REL: variants seen among roughly 807,000 people sequenced by gnomAD.
REL encodes the protein REL proto-oncogene, NF-kB subunit, also known as proto-oncogene c-Rel.
Under a neutral mutation model 45.9 loss-of-function variants are expected in REL, and 15 were observed. The ratio of observed to expected loss-of-function variants is 0.33; its 90% CI spans 0.22 to 0.50. The LOEUF (loss-of-function observed/expected upper bound fraction) is 0.50. Among genes scored for constraint, REL ranks in the 20% least tolerant of loss-of-function variants. The pLI, the probability that REL is intolerant of heterozygous loss-of-function variation, is 0.98. For synonymous variants in REL, 239 were observed against 242.1 expected (o/e 0.99, Z 0.12); for missense variants, 601 against 715.2 (o/e 0.84, Z 1.82).
At chr2:60,920,003 T>C in intron 7 of REL, 38 bp from the exon 8 acceptor site, 2 of 1,383,308 alleles carry the variant, frequency 1.4e-6, no homozygotes, top group South Asian at 1.2e-5. Flanking sequence ...TACAATCCTA[T>C]AATTTTTTAT....
Position 60,918,265 on chromosome 2 carries a change from A to G in REL, c.610A>G (p.Ile204Val). Residue 204 changes from isoleucine to valine, a missense_variant, in exon 6 of 10, where the codon ATA becomes GTA. Ile to Val is a conservative substitution (Grantham distance 29). This residue lies in a region of REL where 241 missense variants were observed against 347.0 expected (regional missense o/e 0.69). Coordinates refer to ENST00000394479, the MANE Select transcript of REL (RefSeq NM_001291746.2). The part of the protein sequence containing the change: ...NCGSVRGGDE[I>V]FLLCDKVQKD... Reference sequence around the variant, plus strand: ...TGGAAGTGTCAGAGGAGGAGATGAAATATTTCTACTTTGTGACAAAGTTCA... The same window carrying G: ...TGGAAGTGTCAGAGGAGGAGATGAAGTATTTCTACTTTGTGACAAAGTTCA... 1 of 1,606,530 alleles carries G rather than the reference A, an allele frequency of 6.2e-7. No homozygotes were observed.
intron 4 of REL, among the ~76,000 whole-genome samples, chr2:60,905,819 T>C (rs1035468241): frequency 2.0e-5 from 3 of 152,180 alleles, no homozygotes; most frequent in Non-Finnish European, 4.4e-5. Context: ...AACATCTAGA[T>C]CAGTATTTCT....
rs574580916 is a variant in REL, at chr2:60,918,204, T to G, written c.549T>G (p.Thr183=). The stretch of plus-strand genomic sequence containing the variant: ...CTTTATATTTAGGTGCTCCAAATAC[T>G]GCAGAATTAAGGATTTGTCGTGTAA... ...NPIYDNRAPN[T]AELRICRVNK... The change falls in exon 6 of 10, where the codon ACT becomes ACG. Residue 183 remains threonine, a synonymous_variant. Coordinates refer to ENST00000394479, the MANE Select transcript of REL (RefSeq NM_001291746.2). 1 of 1,598,428 alleles carries G rather than the reference T, an allele frequency of 6.3e-7. No individual in the cohort carries two copies. Among genetic ancestry groups the G allele is most frequent in the Admixed American group, 1.7e-5 (1 of 58,176 alleles).
rs1172754784 is a variant in REL, at chr2:60,925,168, A to G, written c.*2633A>G. On this transcript the variant is annotated 3_prime_UTR_variant, in exon 10 of 10. Transcript: ENST00000394479. The stretch of plus-strand genomic sequence containing the variant: ...TTAACTTTACCTAGTTTGTTTTACA[A>G]CTAGAACCTGCCCTAAATGTTGAAT... 5.0e-6 allele frequency: 1 copy of G among 200,444 alleles called. No homozygotes were observed. Among genetic ancestry groups the G allele is most frequent in the Non-Finnish European group, 1.0e-5 (1 of 97,010 alleles). The allele number at this position is 200,444 out of a possible 1,614,324, so 12.4% of individuals were successfully genotyped here. A position where few individuals can be genotyped will look rare whatever the true frequency, so the allele number is the denominator to read the frequency against.
At chr2:60,914,496 TGTTTA>T (rs983337540) in intron 4 of REL, among the ~76,000 whole-genome samples, 4 of 151,948 alleles carry the variant, frequency 2.6e-5, no homozygotes, top group African/African-American at 9.7e-5. Flanking sequence ...TTGACCAGTT[TGTTTA>T]TTTTTCTTTT....
chr2:60,891,455 A>G (rs1673209427), intron 1 of REL, among the ~76,000 whole-genome samples: 1 of 152,174 alleles, frequency 6.6e-6, no homozygotes, highest in Non-Finnish European at 1.5e-5. Flanking sequence ...ACCAGTCAAT[A>G]TGGTTTGAAT....
intron 4 of REL, among the ~76,000 whole-genome samples, chr2:60,910,564 T>A (rs1471822807): frequency 1.3e-5 from 2 of 152,128 alleles, no homozygotes; most frequent in Non-Finnish European, 2.9e-5. Context: ...AAGTGAAATT[T>A]TAAACTAGTT....
chr2:60,890,280 A>G (rs568796344), intron 1 of REL, among the ~76,000 whole-genome samples: 1 of 152,370 alleles, frequency 6.6e-6, no homozygotes, highest in East Asian at 1.9e-4. Context: ...TTTAGCACAT[A>G]TAATCTGTCA....
At chr2:60,891,333 T>C (rs1395110845) in intron 1 of REL, among the ~76,000 whole-genome samples, 1 of 152,198 alleles carries the variant, frequency 6.6e-6, no homozygotes, top group African/African-American at 2.4e-5. Context: ...TCTTGGGGAA[T>C]CTTGGGGGAA....
chr2:60,930,623 T>C lies in REL; in HGVS notation c.*8088T>C, dbSNP rs1215012898. On this transcript the variant is annotated 3_prime_UTR_variant, in exon 10 of 10. Transcript: ENST00000394479. ...AAAGTAATCATGTCTGTAATGTTTT[T>C]CATGCATGCAAAAAGCACAGACAAA... 1 of 152,280 alleles carries C rather than the reference T, an allele frequency of 6.6e-6. No individual in the cohort carries two copies. The highest frequency in any genetic ancestry group is 2.4e-5 in the African/African-American group (1 of 41,456). 9.4% of individuals were successfully genotyped at this position (152,280 alleles called of 1,614,324 possible). A position where few individuals can be genotyped will look rare whatever the true frequency, so the allele number is the denominator to read the frequency against.
intron 3 of REL, chr2:60,899,106 A>G (rs1673430411): frequency 6.6e-6 from 1 of 152,262 alleles, no homozygotes; most frequent in Non-Finnish European, 1.5e-5. Flanking sequence ...AAGAAAAAGA[A>G]TCAAACCAAG....
At position 60,931,321 on chromosome 2, in the gene REL, T is replaced by TA. The variant is rs1674378501; in HGVS notation, c.*8787dup. 1 of 152,350 alleles carries TA rather than the reference T, an allele frequency of 6.6e-6. No individual in the cohort carries two copies. The highest frequency in any genetic ancestry group is 1.5e-5 in the Non-Finnish European group (1 of 68,026). 9.4% of individuals were successfully genotyped at this position (152,350 alleles called of 1,614,324 possible). On this transcript the variant is annotated 3_prime_UTR_variant, in exon 10 of 10. Transcript: ENST00000394479. ...CTGTTTTAAAAGTATGTACTTAAAA[T>TA]ACCTTTGGCTGTGATGAATGTAGAT...
At chr2:60,890,499 A>C (rs1447138827) in intron 1 of REL, among the ~76,000 whole-genome samples, 1 of 152,204 alleles carries the variant, frequency 6.6e-6, no homozygotes, top group East Asian at 1.9e-4. Flanking sequence ...TTCTAACAGG[A>C]TAAGCCTTAG....
chr2:60,893,670 A>G (rs1302572307), intron 2 of REL, among the ~76,000 whole-genome samples: 3 of 152,168 alleles, frequency 2.0e-5, no homozygotes, highest in South Asian at 2.1e-4. Context: ...ATTCAAAATT[A>G]TGGATTTTAG....
intron 1 of REL, among the ~76,000 whole-genome samples, chr2:60,885,059 A>T (rs182481227): frequency 3.3e-5 from 5 of 152,316 alleles, no homozygotes; most frequent in Non-Finnish European, 7.4e-5. Flanking sequence ...GTGACGTATG[A>T]TAGGCACAGA....
intron 4 of REL, among the ~76,000 whole-genome samples, chr2:60,906,913 A>ATATATTTTT (rs1311506982): frequency 1.5e-4 from 16 of 104,324 alleles, no homozygotes; most frequent in Non-Finnish European, 2.2e-4. Flanking sequence ...ATATATATAT[A>ATATATTTTT]TTTTTTTTTT....
chr2:60,912,894 T>A (rs1673858361), intron 4 of REL, among the ~76,000 whole-genome samples: 1 of 152,100 alleles, frequency 6.6e-6, no homozygotes, highest in African/African-American at 2.4e-5. Context: ...AAATAGTTAT[T>A]TAATTAAGTC....
At chr2:60,906,927 T>TTC (rs1673676665) in intron 4 of REL, among the ~76,000 whole-genome samples, 2 of 146,390 alleles carry the variant, frequency 1.4e-5, no homozygotes, top group African/African-American at 5.0e-5. Context: ...TTTTTTTTTT[T>TTC]TTCTTTTCCG....
intron 3 of REL, among the ~76,000 whole-genome samples, chr2:60,898,399 A>T (rs185139917): frequency 3.7e-4 from 56 of 152,256 alleles, no homozygotes; most frequent in African/African-American, 1.3e-3. Context: ...TACTCCACTC[A>T]CAATGCCTTC....
Sources: allele counts gnomAD v4.1 joint callset (sites outside exome capture counted in the v4.1 genomes callset), GRCh38; gene constraint gnomAD v4.1.1; regional missense constraint gnomAD v4.1.1; transcripts MANE v1.5; gene names NCBI Gene and HGNC (gene_info 2026-07-23, HGNC 2026-07-21).